The following PCCA variants were observed in gnomAD, a reference collection of about 807,000 sequenced individuals.
PCCA encodes the protein propionyl-CoA carboxylase subunit alpha, also known as propionyl-CoA carboxylase alpha chain, mitochondrial.
Under a neutral mutation model 101.3 loss-of-function variants are expected in PCCA, and 74 were observed. The ratio of observed to expected loss-of-function variants is 0.73; its 90% CI spans 0.61 to 0.89. The LOEUF (loss-of-function observed/expected upper bound fraction) is 0.89, where lower values mean the gene tolerates loss of function less well. Among genes scored for constraint, PCCA ranks in the 40% least tolerant of loss-of-function variants. PCCA has a pLI of 0.00. For synonymous variants in PCCA, 294 were observed against 313.6 expected (o/e 0.94, Z 0.66); for missense variants, 891 against 907.0 (o/e 0.98, Z 0.23).
chr13:100,105,322 T>C (rs909087754), intron 2 of PCCA, among the ~76,000 whole-genome samples: 2 of 152,186 alleles, frequency 1.3e-5, no homozygotes, highest in African/African-American at 2.4e-5. Context: ...TTTAAAATCT[T>C]CATCATAGGT....
chr13:100,259,219 G>T (rs185238199), intron 9 of PCCA, among the ~76,000 whole-genome samples: 1 of 152,016 alleles, frequency 6.6e-6, no homozygotes, highest in East Asian at 1.9e-4. Flanking sequence ...TATCCTAAGG[G>T]GTGTCTTTTT....
chr13:100,210,693 G>T (rs1427633416), intron 7 of PCCA, among the ~76,000 whole-genome samples: 1 of 152,160 alleles, frequency 6.6e-6, no homozygotes, highest in Non-Finnish European at 1.5e-5. Context: ...GAGTCCTCAT[G>T]TAGAGTTTTA....
intron 7 of PCCA, among the ~76,000 whole-genome samples, chr13:100,221,470 A>G (rs973993872): frequency 2.6e-5 from 4 of 152,206 alleles, no homozygotes; most frequent in Non-Finnish European, 4.4e-5. Context: ...TTATCTTCTT[A>G]GGAGGCTGCA....
chr13:100,124,014 G>A (rs9585352), intron 4 of PCCA, among the ~76,000 whole-genome samples: 3,470 of 152,236 alleles, frequency 0.023, 122 homozygotes, highest in African/African-American at 0.08. Context: ...TTGGTGAATA[G>A]TGAGAGCAAA....
intron 21 of PCCA, among the ~76,000 whole-genome samples, chr13:100,495,963 C>T (rs943208172): frequency 7.6e-6 from 1 of 131,446 alleles, no homozygotes; most frequent in African/African-American, 2.8e-5. Context: ...GTGTATTCCT[C>T]TCTTTCTCTC....
chr13:100,310,150 C>T (rs956623203), intron 16 of PCCA, among the ~76,000 whole-genome samples: 3 of 152,148 alleles, frequency 2.0e-5, no homozygotes, highest in Non-Finnish European at 2.9e-5. Context: ...AACCAGTACA[C>T]ATTGGTTACA....
intron 12 of PCCA, among the ~76,000 whole-genome samples, chr13:100,280,508 C>G (rs2064014234): frequency 6.6e-6 from 1 of 152,096 alleles, no homozygotes; most frequent in Non-Finnish European, 1.5e-5. Flanking sequence ...ATGTATCTAC[C>G]TGCACACCCA....
At chr13:100,122,403 G>C (rs2049494929) in intron 4 of PCCA, among the ~76,000 whole-genome samples, 1 of 152,058 alleles carries the variant, frequency 6.6e-6, no homozygotes, top group Non-Finnish European at 1.5e-5. Flanking sequence ...TGGAAGAATT[G>C]GTATTAACTT....
intron 21 of PCCA, among the ~76,000 whole-genome samples, chr13:100,458,277 C>CAG: frequency 7.0e-6 from 1 of 142,560 alleles, no homozygotes; most frequent in East Asian, 2.2e-4. Flanking sequence ...GCCTGGGCAA[C>CAG]AGTGGGACCC....
chr13:100,272,817 T>C (rs2063384711), intron 11 of PCCA, among the ~76,000 whole-genome samples: 2 of 152,190 alleles, frequency 1.3e-5, no homozygotes, highest in African/African-American at 2.4e-5. Flanking sequence ...ACATGAGCAA[T>C]GAGGATTGAT....
At chr13:100,413,570 G>A (rs191415323) in intron 19 of PCCA, among the ~76,000 whole-genome samples, 4 of 152,252 alleles carry the variant, frequency 2.6e-5, no homozygotes, top group East Asian at 1.9e-4. Flanking sequence ...AGTATAGAGC[G>A]TCACTAAGTT....
At chr13:100,260,893 A>T (rs554001406) in intron 9 of PCCA, among the ~76,000 whole-genome samples, 52 of 140,470 alleles carry the variant, frequency 3.7e-4, no homozygotes, top group African/African-American at 1.3e-3. Flanking sequence ...ACCATCCTTT[A>T]AAAAAAAAAA....
intron 4 of PCCA, among the ~76,000 whole-genome samples, chr13:100,113,283 A>C (rs568181772): frequency 6.6e-6 from 1 of 152,186 alleles, no homozygotes; most frequent in Non-Finnish European, 1.5e-5. Flanking sequence ...AGTGTATCTA[A>C]ACACAGAAAA....
chr13:100,254,921 A>C (rs2061981047), intron 8 of PCCA, among the ~76,000 whole-genome samples: 1 of 151,938 alleles, frequency 6.6e-6, no homozygotes, highest in African/African-American at 2.4e-5. Flanking sequence ...CATCTTTAAA[A>C]AAAAAAAAAA....
At chr13:100,192,713 T>C (rs1196059934) in intron 6 of PCCA, among the ~76,000 whole-genome samples, 1 of 152,050 alleles carries the variant, frequency 6.6e-6, no homozygotes, top group Non-Finnish European at 1.5e-5. Context: ...AAAAGAACGG[T>C]TTACAGATCA....
chr13:100,127,658 C>T (rs1049880632), intron 4 of PCCA, among the ~76,000 whole-genome samples: 7 of 151,642 alleles, frequency 4.6e-5, no homozygotes, highest in South Asian at 4.2e-4. Context: ...TTTGGGAGGC[C>T]GAGGCAGGCG....
At chr13:100,304,602 T>G (rs966851263) in intron 14 of PCCA, among the ~76,000 whole-genome samples, 2 of 152,136 alleles carry the variant, frequency 1.3e-5, no homozygotes, top group African/African-American at 2.4e-5. Context: ...GTGGGAGATG[T>G]CTGATAGTTT....
At chr13:100,420,457 G>T (rs1425810777) in intron 19 of PCCA, among the ~76,000 whole-genome samples, 1 of 152,118 alleles carries the variant, frequency 6.6e-6, no homozygotes, top group Non-Finnish European at 1.5e-5. Flanking sequence ...GCTCGTGCCT[G>T]TAGTCCCAGC....
intron 16 of PCCA, among the ~76,000 whole-genome samples, chr13:100,319,205 G>T (rs1170159678): frequency 6.6e-6 from 1 of 152,088 alleles, no homozygotes; most frequent in Admixed American, 6.6e-5. Context: ...TTGTAAATTT[G>T]TTTGAGTTCT....
Sources: gnomAD v4.1 joint callset for allele counts (sites outside exome capture counted in the v4.1 genomes callset) on GRCh38, gnomAD v4.1.1 for gene constraint, MANE v1.5 for transcripts, NCBI Gene and HGNC (gene_info 2026-07-23, HGNC 2026-07-21) for gene names.